The following KLF12 variants were observed in gnomAD, a reference collection of about 807,000 sequenced individuals.
KLF12 encodes the protein KLF transcription factor 12.
KLF12 carries 9 observed loss-of-function variants against 37.8 expected under a neutral mutation model. The observed-to-expected ratio is 0.24, with a 90% confidence interval of 0.14 to 0.42. The LOEUF (loss-of-function observed/expected upper bound fraction) is 0.42. KLF12 is among the 10% of genes least tolerant of loss of function. The probability of loss-of-function intolerance (pLI) is 1.00; values close to 1 mark genes in which losing one functional copy is unlikely to be tolerated. For synonymous variants in KLF12, 208 were observed against 202.1 expected, an observed-to-expected ratio of 1.03 and a Z score of -0.25; for missense variants, 411 against 516.0, an observed-to-expected ratio of 0.80 and a Z score of 1.97.
intron 4 of KLF12, among the ~76,000 whole-genome samples, chr13:73,824,525 C>T (rs1883722058): frequency 6.6e-6 from 1 of 152,170 alleles, no homozygotes; most frequent in South Asian, 2.1e-4. Flanking sequence ...ATGGTGAATG[C>T]TGTCACTATT....
intron 3 of KLF12, among the ~76,000 whole-genome samples, chr13:73,882,542 C>T (rs531214039): frequency 2.0e-5 from 3 of 152,224 alleles, no homozygotes; most frequent in African/African-American, 7.2e-5. Context: ...GTAACACTTC[C>T]GTTTCAAAAA....
chr13:74,134,185 G>T (rs1878434626), upstream of KLF12, among the ~76,000 whole-genome samples: 1 of 140,612 alleles, frequency 7.1e-6, no homozygotes, highest in Non-Finnish European at 1.6e-5. Flanking sequence ...GGGGTGCTGT[G>T]AGGGGGGGGG....
At chr13:74,303,095 G>C in the KLF12 span, among the ~76,000 whole-genome samples, 1 of 152,098 alleles carries the variant, frequency 6.6e-6, no homozygotes, top group Non-Finnish European at 1.5e-5. Flanking sequence ...ACCATCTTTG[G>C]CAAAGTGGAT....
chr13:73,781,580 T>C (rs776278527), intron 5 of KLF12, among the ~76,000 whole-genome samples: 26 of 152,236 alleles, frequency 1.7e-4, no homozygotes, highest in Non-Finnish European at 3.4e-4. Flanking sequence ...CTTAAATTTG[T>C]AGTCCCTGAT....
At chr13:73,726,292 T>C (rs898470914) in intron 6 of KLF12, among the ~76,000 whole-genome samples, 3 of 152,206 alleles carry the variant, frequency 2.0e-5, no homozygotes, top group Non-Finnish European at 4.4e-5. Context: ...GGCTAATAAC[T>C]TTACTCACAC....
chr13:73,981,244 C>T (rs1235646456), intron 2 of KLF12, among the ~76,000 whole-genome samples: 1 of 151,988 alleles, frequency 6.6e-6, no homozygotes. Context: ...AATTTCTCTA[C>T]AATCCAGCAA....
At chr13:74,288,938 A>G in the KLF12 span, among the ~76,000 whole-genome samples, 1 of 152,190 alleles carries the variant, frequency 6.6e-6, no homozygotes, top group Non-Finnish European at 1.5e-5. Context: ...CTCTTGCATT[A>G]TTTATTCACT....
At chr13:74,275,833 T>TC in the KLF12 span, among the ~76,000 whole-genome samples, 15 of 120,282 alleles carry the variant, frequency 1.2e-4, no homozygotes, top group Non-Finnish European at 3.4e-5. Context: ...TTTCTTTCTT[T>TC]CTTTCTTTCT....
At chr13:74,092,604 A>G (rs1216326949) in intron 1 of KLF12, among the ~76,000 whole-genome samples, 1 of 152,066 alleles carries the variant, frequency 6.6e-6, no homozygotes, top group Non-Finnish European at 1.5e-5. Context: ...AGCCTCGGCA[A>G]CAGAGACTCC....
intron 6 of KLF12, among the ~76,000 whole-genome samples, chr13:73,727,576 C>T (rs1339058646): frequency 6.6e-6 from 1 of 152,062 alleles, no homozygotes; most frequent in Non-Finnish European, 1.5e-5. Context: ...TATCTCAGTA[C>T]CACAATGTCT....
intron 4 of KLF12, among the ~76,000 whole-genome samples, chr13:73,842,873 G>C (rs952062724): frequency 5.9e-5 from 9 of 152,122 alleles, no homozygotes; most frequent in African/African-American, 2.2e-4. Context: ...TTACTGAAAT[G>C]CCCTTTCCTT....
intron 2 of KLF12, chr13:73,962,129 T>G: frequency 2.5e-6 from 1 of 399,026 alleles, no homozygotes; most frequent in Non-Finnish European, 4.9e-6. Context: ...CAATGGAATA[T>G]TAATCAGCAA....
the KLF12 span, among the ~76,000 whole-genome samples, chr13:74,300,615 A>G: frequency 6.6e-6 from 1 of 152,162 alleles, no homozygotes; most frequent in Non-Finnish European, 1.5e-5. Flanking sequence ...AAGTTTGAGG[A>G]GTAAAAGATG....
At chr13:73,936,038 A>T (rs989750762) in intron 3 of KLF12, among the ~76,000 whole-genome samples, 2 of 152,222 alleles carry the variant, frequency 1.3e-5, no homozygotes, top group African/African-American at 2.4e-5. Flanking sequence ...TTGTGAGCAT[A>T]TAAGATACAA....
intron 1 of KLF12, among the ~76,000 whole-genome samples, chr13:74,060,393 G>T (rs1041975057): frequency 6.6e-6 from 1 of 151,488 alleles, no homozygotes; most frequent in Non-Finnish European, 1.5e-5. Flanking sequence ...CCATTTGTTT[G>T]TATCAATTAA....
intron 5 of KLF12, among the ~76,000 whole-genome samples, chr13:73,785,775 G>C (rs1881301496): frequency 6.6e-6 from 1 of 152,104 alleles, no homozygotes; most frequent in Middle Eastern, 3.2e-3. Flanking sequence ...TCCCTCTAAA[G>C]GAGGTGGTTG....
chr13:74,297,140 T>C, the KLF12 span, among the ~76,000 whole-genome samples: 2 of 152,166 alleles, frequency 1.3e-5, no homozygotes, highest in Non-Finnish European at 2.9e-5. Context: ...CAGTTGGGCC[T>C]ATAGGGTTTC....
chr13:74,215,321 A>C, the KLF12 span, among the ~76,000 whole-genome samples: 2 of 139,812 alleles, frequency 1.4e-5, no homozygotes, highest in Non-Finnish European at 3.1e-5. Flanking sequence ...TGTTATTTTT[A>C]TTTCCTGTTA....
chr13:74,015,105 T>C (rs1892653597), intron 1 of KLF12, among the ~76,000 whole-genome samples: 1 of 152,158 alleles, frequency 6.6e-6, no homozygotes, highest in Non-Finnish European at 1.5e-5. Context: ...AAACAGTAGA[T>C]TATATACATC....
Sources: allele counts gnomAD v4.1 joint callset (sites outside exome capture counted in the v4.1 genomes callset), GRCh38; gene constraint gnomAD v4.1.1; transcripts MANE v1.5; gene names NCBI Gene and HGNC (gene_info 2026-07-23, HGNC 2026-07-21).